TAOK1: variants seen among roughly 807,000 people sequenced by gnomAD.
TAOK1 encodes serine/threonine-protein kinase TAO1.
In TAOK1, 21 loss-of-function variants were observed where a neutral mutation model predicts 138.3. That is an observed-to-expected ratio of 0.15 (90% CI 0.11 to 0.22). The LOEUF is 0.22. TAOK1 is among the 10% of genes least tolerant of loss of function. The pLI, the probability that TAOK1 is intolerant of heterozygous loss-of-function variation, is 1.00. For synonymous variants in TAOK1, 361 were observed against 398.4 expected (o/e 0.91, Z 1.12); for missense variants, 651 against 1,227.7 (o/e 0.53, Z 7.02).
chr17:29,474,310 A>G (rs2030896094), intron 3 of TAOK1, among the ~76,000 whole-genome samples: 1 of 152,102 alleles, frequency 6.6e-6, no homozygotes, highest in South Asian at 2.1e-4. Context: ...AGCACTTTAA[A>G]TTTTCTTCAA....
At chr17:29,491,032 A>T (rs1416434005) in intron 9 of TAOK1, among the ~76,000 whole-genome samples, 2 of 152,226 alleles carry the variant, frequency 1.3e-5, no homozygotes, top group Non-Finnish European at 2.9e-5. Context: ...AGAAACAAAA[A>T]CATTGAAACC....
At chr17:29,424,509 G>C (rs1036941977) in intron 1 of TAOK1, among the ~76,000 whole-genome samples, 2 of 151,842 alleles carry the variant, frequency 1.3e-5, no homozygotes, top group African/African-American at 4.8e-5. Context: ...CAAATACTGG[G>C]CAGAGAAATA....
intron 1 of TAOK1, among the ~76,000 whole-genome samples, chr17:29,403,073 A>C (rs544653398): frequency 2.0e-5 from 3 of 147,542 alleles, no homozygotes; most frequent in Non-Finnish European, 3.0e-5. Context: ...AGGCAGGAGA[A>C]CTGCTTCAAC....
rs773344971 is a variant in TAOK1 at position 29,517,372 on chromosome 17, G to A, written c.1705-81G>A. The A allele has an allele frequency of 5.7e-5, 78 of 1,376,854 alleles. No homozygotes were observed. In the Admixed American group the frequency reaches 5.7e-4, roughly 10 times the overall value. 85.3% of individuals were successfully genotyped at this position (1,376,854 alleles called of 1,614,324 possible). On this transcript the variant is annotated intron_variant, in intron 15 of 19. Transcript: ENST00000261716. ...TGACCTCAGGTGATCTGCCCACCTCGGCCTCCCAGAGTGCTGGGATTACAG... is the reference window on the plus strand; with the variant it reads ...TGACCTCAGGTGATCTGCCCACCTCAGCCTCCCAGAGTGCTGGGATTACAG...
chr17:29,454,097 G>A (rs765911903), intron 2 of TAOK1, among the ~76,000 whole-genome samples: 2 of 151,790 alleles, frequency 1.3e-5, no homozygotes, highest in Non-Finnish European at 2.9e-5. Flanking sequence ...GATTATAGGT[G>A]TGAGCCACCA....
chr17:29,402,624 G>T (rs1904880362), intron 1 of TAOK1, among the ~76,000 whole-genome samples: 1 of 151,926 alleles, frequency 6.6e-6, no homozygotes, highest in Non-Finnish European at 1.5e-5. Flanking sequence ...TTATTTGGAG[G>T]ATATTAAGAA....
intron 6 of TAOK1, 180 bp from the exon 7 acceptor site, chr17:29,480,188 G>T: frequency 2.6e-6 from 1 of 388,052 alleles, no homozygotes; most frequent in South Asian, 8.9e-5. Context: ...TTTGAATTCT[G>T]TAGTTTTTTG....
In TAOK1 at chr17:29,421,054, C is replaced by A. The variant is rs1053321223; in HGVS notation, c.-95+30030C>A. 2.0e-5 allele frequency among the ~76,000 whole-genome samples: 3 copies of A among 152,062 alleles called. No homozygotes were observed. In the East Asian group the frequency reaches 5.8e-4, roughly 29 times the overall value. On this transcript the variant is annotated intron_variant, in intron 1 of 19. Coordinates refer to ENST00000261716, the MANE Select transcript of TAOK1 (RefSeq NM_020791.4). ...AAGTGATTCTTCTGCCTCAGTTTCC[C>A]AAGTAGCTGAGATTACAGGCACCCA...
At chr17:29,404,287 C>T (rs563373877) in intron 1 of TAOK1, among the ~76,000 whole-genome samples, 2 of 152,180 alleles carry the variant, frequency 1.3e-5, no homozygotes, top group African/African-American at 4.8e-5. Context: ...CTCAGCCCCA[C>T]AAGTAGCTAG....
rs112209955 is a variant in TAOK1 at position 29,460,103 on chromosome 17, G to A, written c.133-7042G>A. Among the ~76,000 whole-genome samples, 773 of 152,342 alleles carry A rather than the reference G, an allele frequency of 5.1e-3. 3 individuals are homozygous for A. Among genetic ancestry groups the A allele is most frequent in the Non-Finnish European group, 7.2e-3 (489 of 68,024 alleles). On this transcript the variant is annotated intron_variant, in intron 2 of 19. Coordinates refer to ENST00000261716, the MANE Select transcript of TAOK1 (RefSeq NM_020791.4). The stretch of plus-strand genomic sequence containing the variant: ...CTTGCCCTTTTCCTTTTATTAAAGA[G>A]ACAAAGACCCATCTTGGCAAAATAT...
intron 15 of TAOK1, chr17:29,513,388 G>C (rs1345882872): frequency 6.6e-6 from 1 of 152,098 alleles, no homozygotes; most frequent in Admixed American, 6.6e-5. Flanking sequence ...AGTAAATAGA[G>C]TTTCCAACTA....
At chr17:29,440,333 T>C (rs1306545995) in intron 1 of TAOK1, among the ~76,000 whole-genome samples, 3 of 152,162 alleles carry the variant, frequency 2.0e-5, no homozygotes, top group Admixed American at 6.6e-5. Flanking sequence ...CTTGAAGGAA[T>C]GTAAGTGCTT....
At chr17:29,497,687 A>G (rs2031439288) in intron 11 of TAOK1, among the ~76,000 whole-genome samples, 1 of 150,572 alleles carries the variant, frequency 6.6e-6, no homozygotes, top group African/African-American at 2.4e-5. Flanking sequence ...AAGATAATCT[A>G]GAGTTCCCCA....
At chr17:29,531,623 C>T (rs1449506521) in intron 18 of TAOK1, among the ~76,000 whole-genome samples, 1 of 151,306 alleles carries the variant, frequency 6.6e-6, no homozygotes, top group Non-Finnish European at 1.5e-5. Context: ...ATTAGCCAGG[C>T]GTGGTGGTGG....
chr17:29,409,862 G>A (rs925244002), intron 1 of TAOK1, among the ~76,000 whole-genome samples: 15 of 152,092 alleles, frequency 9.9e-5, no homozygotes, highest in Middle Eastern at 3.2e-3. Context: ...TTAGGAGTAG[G>A]GGATGTAAGG....
intron 8 of TAOK1, among the ~76,000 whole-genome samples, chr17:29,483,953 C>G (rs1164269650): frequency 6.6e-6 from 1 of 152,152 alleles, no homozygotes; most frequent in East Asian, 1.9e-4. Context: ...CTTTTACATT[C>G]TTAATGCTGG....
At chr17:29,447,770 C>G (rs1219139229) in intron 1 of TAOK1, among the ~76,000 whole-genome samples, 1 of 151,582 alleles carries the variant, frequency 6.6e-6, no homozygotes, top group Admixed American at 6.6e-5. Flanking sequence ...GATTCTCCTG[C>G]CTCAGCTTCC....
intron 16 of TAOK1, among the ~76,000 whole-genome samples, chr17:29,517,883 T>G (rs899034135): frequency 6.6e-6 from 1 of 151,868 alleles, no homozygotes; most frequent in African/African-American, 2.4e-5. Flanking sequence ...TTCAAGACAG[T>G]CTCTCCATGT....
In TAOK1 at chr17:29,520,775, C is replaced by G. The variant is rs539594404; in HGVS notation, c.1909-1505C>G. Among the ~76,000 whole-genome samples, 443 of 151,658 alleles carry G rather than the reference C, an allele frequency of 2.9e-3. 1 individual carries two copies. Among genetic ancestry groups the G allele is most frequent in the African/African-American group, 0.01 (429 of 41,392 alleles). ...TAGTAGTGGCTCACGCCTGTAATCCCAGCACTTTGGGAGGCTGAGGTGGGC... is the reference window on the plus strand; with the variant it reads ...TAGTAGTGGCTCACGCCTGTAATCCGAGCACTTTGGGAGGCTGAGGTGGGC... On this transcript the variant is annotated intron_variant, in intron 16 of 19. Transcript: ENST00000261716.
Sources: allele counts gnomAD v4.1 joint callset (sites outside exome capture counted in the v4.1 genomes callset), GRCh38; gene constraint gnomAD v4.1.1; transcripts MANE v1.5; gene names NCBI Gene and HGNC (gene_info 2026-07-23, HGNC 2026-07-21).